The following UEVLD variants were observed in gnomAD, a reference collection of about 807,000 sequenced individuals.
The protein encoded by UEVLD is ubiquitin-conjugating enzyme E2 variant 3.
Under a neutral mutation model 58.6 loss-of-function variants are expected in UEVLD, and 47 were observed. The ratio of observed to expected loss-of-function variants is 0.80; its 90% CI spans 0.63 to 1.02. The LOEUF (loss-of-function observed/expected upper bound fraction) is 1.02. UEVLD is among the 50% of genes least tolerant of loss of function. UEVLD has a pLI of 0.00. For missense variants in UEVLD, 510 were observed against 550.6 expected, an observed-to-expected ratio of 0.93 and a Z score of 0.74; for synonymous variants, 197 against 195.3, an observed-to-expected ratio of 1.01 and a Z score of -0.07.
intron 9 of UEVLD, among the ~76,000 whole-genome samples, chr11:18,542,330 G>A (rs1043415453): frequency 6.6e-6 from 1 of 152,216 alleles, no homozygotes; most frequent in South Asian, 2.1e-4. Flanking sequence ...AATGAGCCAT[G>A]AATTTCAAAT....
intron 7 of UEVLD, among the ~76,000 whole-genome samples, chr11:18,556,713 TC>T (rs1224447559): frequency 1.3e-5 from 2 of 152,062 alleles, no homozygotes; most frequent in Non-Finnish European, 2.9e-5. Context: ...CAACTCCACA[TC>T]CCCAAATACG....
chr11:18,581,116 G>A (rs904174209), intron 1 of UEVLD, among the ~76,000 whole-genome samples: 3 of 149,650 alleles, frequency 2.0e-5, no homozygotes, highest in African/African-American at 7.4e-5. Context: ...GGGCCGAGAT[G>A]GTGCCATTGC....
chr11:18,575,554 C>T (rs1852864008), intron 2 of UEVLD, 142 bp from the exon 3 acceptor site: 2 of 766,302 alleles, frequency 2.6e-6, no homozygotes, highest in Non-Finnish European at 4.0e-6. Context: ...ATCTAGGAAT[C>T]GGTAAATCTG....
intron 2 of UEVLD, among the ~76,000 whole-genome samples, 177 bp from the exon 3 acceptor site, chr11:18,575,589 T>C (rs1221981994): frequency 6.6e-6 from 1 of 152,148 alleles, no homozygotes; most frequent in African/African-American, 2.4e-5. Flanking sequence ...TGACTAGATG[T>C]TGTTTACTTA....
chr11:18,551,246 G>A (rs1279446825), intron 7 of UEVLD, among the ~76,000 whole-genome samples: 1 of 151,958 alleles, frequency 6.6e-6, no homozygotes, highest in Non-Finnish European at 1.5e-5. Context: ...GGCTAAGATG[G>A]TGAAACCCTG....
intron 6 of UEVLD, among the ~76,000 whole-genome samples, chr11:18,560,439 G>C (rs1851981794): frequency 6.6e-6 from 1 of 152,020 alleles, no homozygotes; most frequent in East Asian, 1.9e-4. Flanking sequence ...GAATAAACTG[G>C]TATAATTAAT....
In UEVLD at chr11:18,578,811, G is replaced by C; in HGVS notation, c.43-3C>G. ...ACAGTTAGGTCCCTGAACTTGTACT[G>C]AAAAGAGAAAAATAAGCATGGAGTA... is the stretch of plus-strand genomic sequence containing the variant. On this transcript the variant is annotated splice_polypyrimidine_tract_variant and splice_region_variant and intron_variant, in intron 1 of 11. Transcript: ENST00000396197. 6.4e-7 allele frequency: 1 copy of C among 1,570,948 alleles called. No homozygotes were observed. Among genetic ancestry groups the C allele is most frequent in the Admixed American group, 2.0e-5 (1 of 50,156 alleles).
chr11:18,586,791 A>G (rs770994299), intron 1 of UEVLD, among the ~76,000 whole-genome samples: 1 of 152,076 alleles, frequency 6.6e-6, no homozygotes, highest in Non-Finnish European at 1.5e-5. Context: ...GGTTTCCTTA[A>G]TTTATACAGC....
chr11:18,566,687 TTTAGAG>T (rs66773714), intron 4 of UEVLD, among the ~76,000 whole-genome samples: 7,122 of 152,242 alleles, frequency 0.047, 216 homozygotes, highest in Non-Finnish European at 0.065. Context: ...TATACATTCT[TTTAGAG>T]TTAGTCAAAA....
intron 8 of UEVLD, among the ~76,000 whole-genome samples, chr11:18,545,662 C>T (rs1416124341): frequency 6.6e-6 from 1 of 151,478 alleles, no homozygotes; most frequent in African/African-American, 2.4e-5. Flanking sequence ...CCAGGCTGGT[C>T]TCAAACTCCT....
intron 7 of UEVLD, among the ~76,000 whole-genome samples, chr11:18,547,492 C>T (rs990622997): frequency 5.3e-5 from 8 of 152,254 alleles, no homozygotes; most frequent in African/African-American, 1.9e-4. Context: ...CATTGCACTC[C>T]AGAGTCTCGT....
chr11:18,540,315 T>C (rs1294427439), intron 9 of UEVLD, among the ~76,000 whole-genome samples: 2 of 152,250 alleles, frequency 1.3e-5, no homozygotes, highest in African/African-American at 4.8e-5. Context: ...AAATATTTAA[T>C]ACACATAGTA....
intron 6 of UEVLD, among the ~76,000 whole-genome samples, chr11:18,559,087 T>G (rs914851966): frequency 6.6e-6 from 1 of 152,050 alleles, no homozygotes; most frequent in Non-Finnish European, 1.5e-5. Flanking sequence ...TTGGCCAGGC[T>G]CATCACAAAC....
intron 9 of UEVLD, 36 bp downstream of exon 9, chr11:18,544,587 G>A (rs1440407591): frequency 6.4e-7 from 1 of 1,571,662 alleles, no homozygotes; most frequent in South Asian, 1.2e-5. Flanking sequence ...TTACAGGCAT[G>A]AGCCACCACA....
intron 1 of UEVLD, among the ~76,000 whole-genome samples, chr11:18,587,203 T>G (rs1853619810): frequency 6.6e-6 from 1 of 152,224 alleles, no homozygotes; most frequent in Non-Finnish European, 1.5e-5. Context: ...GTTTGAATCT[T>G]AACTTGAACA....
chr11:18,548,569 A>G (rs2133982157), intron 7 of UEVLD, among the ~76,000 whole-genome samples: 1 of 152,306 alleles, frequency 6.6e-6, no homozygotes, highest in South Asian at 2.1e-4. Context: ...CTGGGATTAC[A>G]GGCATATGCC....
At position 18,579,529 on chromosome 11, in the gene UEVLD, G is replaced by A. The variant is rs184881567; in HGVS notation, c.43-721C>T. Reference sequence around the variant, plus strand: ...ACGGCTCATTCACTTGAGATACCTCGACTTTCCCCTCCCACCTTCCTGGCA... The same window carrying A: ...ACGGCTCATTCACTTGAGATACCTCAACTTTCCCCTCCCACCTTCCTGGCA... On this transcript the variant is annotated intron_variant, in intron 1 of 11. Coordinates refer to ENST00000396197, the MANE Select transcript of UEVLD (RefSeq NM_001040697.4). 487 of 983,792 alleles carry A rather than the reference G, an allele frequency of 5.0e-4. 1 individual carries two copies. The South Asian group carries it at 6.9e-3, about 14-fold the overall frequency. 60.9% of individuals were successfully genotyped at this position (983,792 alleles called of 1,614,324 possible).
chr11:18,586,147 A>G (rs888761210), intron 1 of UEVLD, among the ~76,000 whole-genome samples: 1 of 152,212 alleles, frequency 6.6e-6, no homozygotes, highest in Non-Finnish European at 1.5e-5. Flanking sequence ...TTTTTAATGT[A>G]CTGATCACTT....
At chr11:18,561,024 C>T (rs947818416) in intron 6 of UEVLD, among the ~76,000 whole-genome samples, 2 of 151,252 alleles carry the variant, frequency 1.3e-5, no homozygotes, top group African/African-American at 4.9e-5. Context: ...AAAAAAAATG[C>T]TGATTTTGTT....
Sources: allele counts gnomAD v4.1 joint callset (sites outside exome capture counted in the v4.1 genomes callset), GRCh38; gene constraint gnomAD v4.1.1; transcripts MANE v1.5; gene names NCBI Gene and HGNC (gene_info 2026-07-23, HGNC 2026-07-21).